The following VWC2L variants were observed in gnomAD, a reference collection of about 807,000 sequenced individuals.
VWC2L encodes the protein von Willebrand factor C domain-containing protein 2-like.
VWC2L carries 10 observed loss-of-function variants against 21.6 expected under a neutral mutation model. That is an observed-to-expected ratio of 0.46 (90% CI 0.29 to 0.78). The LOEUF is 0.78. Among genes scored for constraint, VWC2L ranks in the 30% least tolerant of loss-of-function variants. The pLI is 0.10. For synonymous variants in VWC2L, 96 were observed against 94.3 expected, an observed-to-expected ratio of 1.02 and a Z score of -0.10; for missense variants, 209 against 277.1, an observed-to-expected ratio of 0.75 and a Z score of 1.74.
At chr2:214,494,474 G>A (rs982312781) in intron 3 of VWC2L, among the ~76,000 whole-genome samples, 1 of 152,170 alleles carries the variant, frequency 6.6e-6, no homozygotes, top group Non-Finnish European at 1.5e-5. Context: ...TGTCTCTGAA[G>A]AGTTTCCCAG....
intron 2 of VWC2L, chr2:214,414,933 T>G (rs1702333134): frequency 4.1e-6 from 1 of 244,476 alleles, no homozygotes; most frequent in Non-Finnish European, 7.8e-6. Flanking sequence ...AAATTAATTT[T>G]TTAATTGTGT....
intron 3 of VWC2L, among the ~76,000 whole-genome samples, chr2:214,540,413 T>C (rs777008756): frequency 1.3e-5 from 2 of 152,250 alleles, no homozygotes; most frequent in Middle Eastern, 3.4e-3. Flanking sequence ...AACTAGACCC[T>C]GGAAATATGA....
At chr2:214,423,918 A>C (rs184100495) in intron 2 of VWC2L, among the ~76,000 whole-genome samples, 5 of 151,024 alleles carry the variant, frequency 3.3e-5, no homozygotes, top group African/African-American at 1.2e-4. Context: ...TTTTTTTTTC[A>C]CTTAGCAAAC....
intron 2 of VWC2L, 42 bp downstream of exon 2, chr2:214,414,625 A>G (rs779858047): frequency 1.9e-6 from 3 of 1,589,170 alleles, no homozygotes; most frequent in South Asian, 2.3e-5. Flanking sequence ...TCAACTTTTC[A>G]TACCACGTGC....
At chr2:214,424,912 A>G (rs1300733978) in intron 2 of VWC2L, among the ~76,000 whole-genome samples, 1 of 152,232 alleles carries the variant, frequency 6.6e-6, no homozygotes, top group African/African-American at 2.4e-5. Context: ...AATTTAGTTG[A>G]AAAATGACTT....
chr2:214,570,354 A>T (rs963713005), intron 3 of VWC2L, among the ~76,000 whole-genome samples: 7 of 152,318 alleles, frequency 4.6e-5, no homozygotes, highest in African/African-American at 4.8e-5. Flanking sequence ...CTCAAAGAAA[A>T]ACAGAATGTG....
chr2:214,474,650 T>C (rs1256565712), intron 3 of VWC2L, among the ~76,000 whole-genome samples: 1 of 152,142 alleles, frequency 6.6e-6, no homozygotes, highest in Non-Finnish European at 1.5e-5. Flanking sequence ...CCTGTGGCAA[T>C]AGAGAGACTA....
At chr2:214,507,658 CTTAA>C (rs1343088091) in intron 3 of VWC2L, among the ~76,000 whole-genome samples, 1 of 152,140 alleles carries the variant, frequency 6.6e-6, no homozygotes, top group Non-Finnish European at 1.5e-5. Flanking sequence ...ATTATTATCT[CTTAA>C]TTAGTCATGT....
chr2:214,484,187 A>G (rs1441267115), intron 3 of VWC2L, among the ~76,000 whole-genome samples: 2 of 152,018 alleles, frequency 1.3e-5, no homozygotes, highest in African/African-American at 4.8e-5. Context: ...ATCCAATATG[A>G]CCTCATCTAA....
chr2:214,497,872 C>A (rs904554273), intron 3 of VWC2L, among the ~76,000 whole-genome samples: 2 of 152,172 alleles, frequency 1.3e-5, no homozygotes, highest in Non-Finnish European at 2.9e-5. Context: ...AAGTTCATAA[C>A]TTCTGTTAAA....
chr2:214,577,137 T>C lies in VWC2L; in HGVS notation c.*1317T>C, dbSNP rs1690242480. ...TTCTGAAACCACATGGCATAGTTAG[T>C]CGCTTATTCCATGCTCCTGCCCTAA... On this transcript the variant is annotated 3_prime_UTR_variant, in exon 4 of 4. Coordinates refer to ENST00000312504, the MANE Select transcript of VWC2L (RefSeq NM_001080500.4). 1 of 152,142 alleles carries C rather than the reference T, an allele frequency of 6.6e-6. No homozygotes were observed. Among genetic ancestry groups the C allele is most frequent in the Non-Finnish European group, 1.5e-5 (1 of 68,032 alleles). 9.4% of individuals were successfully genotyped at this position (152,142 alleles called of 1,614,324 possible). A position where few individuals can be genotyped will look rare whatever the true frequency, so the allele number is the denominator to read the frequency against.
At chr2:214,525,124 T>C (rs1183166175) in intron 3 of VWC2L, 1 of 151,916 alleles carries the variant, frequency 6.6e-6, no homozygotes, top group Non-Finnish European at 1.5e-5. Flanking sequence ...TGAATTCTTT[T>C]TGCACTAACT....
chr2:214,443,490 A>T (rs528144309), intron 3 of VWC2L, among the ~76,000 whole-genome samples: 2 of 152,300 alleles, frequency 1.3e-5, no homozygotes, highest in South Asian at 4.1e-4. Context: ...ATGCAACCTA[A>T]CCAAATGGGA....
chr2:214,521,280 A>AAAT lies in VWC2L; in HGVS notation c.521-54392_521-54391insAAT, dbSNP rs1264716405. ...ATAAATAAATAAATAAATAAATAAA[A>AAAT]CTACCAAGTTTGAGCAAACATGCTA... On this transcript the variant is annotated intron_variant, in intron 3 of 3. Coordinates refer to ENST00000312504, the MANE Select transcript of VWC2L (RefSeq NM_001080500.4). Among the ~76,000 whole-genome samples, 719 of 147,078 alleles carry AAAT rather than the reference A, an allele frequency of 4.9e-3. 4 individuals carry two copies. Among genetic ancestry groups the AAAT allele is most frequent in the East Asian group, 0.015 (72 of 4,902 alleles).
intron 3 of VWC2L, among the ~76,000 whole-genome samples, chr2:214,562,542 G>A (rs921300976): frequency 1.3e-5 from 2 of 152,138 alleles, no homozygotes; most frequent in African/African-American, 4.8e-5. Flanking sequence ...GGTATTTCTG[G>A]TTCTAGATCT....
In VWC2L at chr2:214,416,501, G is replaced by A. The variant is rs189449462; in HGVS notation, c.390+1918G>A. Among the ~76,000 whole-genome samples the A allele has an allele frequency of 2.7e-3, 409 of 152,036 alleles. 2 individuals carry two copies. The highest frequency in any genetic ancestry group is 9.2e-3 in the African/African-American group (381 of 41,496). The stretch of plus-strand genomic sequence containing the variant: ...TATCACTTTTTTTAACAAGAATTTA[G>A]AGTCATAAAGAGTTTTAGAGACTAT... On this transcript the variant is annotated intron_variant, in intron 2 of 3. Coordinates refer to ENST00000312504, the MANE Select transcript of VWC2L (RefSeq NM_001080500.4).
intron 3 of VWC2L, among the ~76,000 whole-genome samples, chr2:214,516,802 T>TAG (rs148015958): frequency 0.033 from 5,085 of 152,262 alleles, 122 homozygotes; most frequent in Middle Eastern, 0.11. Flanking sequence ...GTCCCAGGTC[T>TAG]AGCAACTATG....
chr2:214,550,522 C>T (rs1559328042), intron 3 of VWC2L, among the ~76,000 whole-genome samples: 1 of 152,200 alleles, frequency 6.6e-6, no homozygotes, highest in Non-Finnish European at 1.5e-5. Context: ...TCTGCTTCCT[C>T]TTCCTTGAAC....
Position 214,501,459 on chromosome 2 carries a change from A to C in VWC2L, c.520+64701A>C, listed in dbSNP as rs184959320. On this transcript the variant is annotated intron_variant, in intron 3 of 3. Coordinates refer to ENST00000312504, the MANE Select transcript of VWC2L (RefSeq NM_001080500.4). ...AAGAATAGGCCAGACGTGGTGGCTC[A>C]TGCCTGTAATCCCAGCATTTTGGGA... 9.2e-5 allele frequency among the ~76,000 whole-genome samples: 14 copies of C among 152,254 alleles called. No homozygotes were observed. In the East Asian group the frequency reaches 2.5e-3, roughly 27 times the overall value.
Sources: allele counts gnomAD v4.1 joint callset (sites outside exome capture counted in the v4.1 genomes callset), GRCh38; gene constraint gnomAD v4.1.1; transcripts MANE v1.5; gene names NCBI Gene and HGNC (gene_info 2026-07-23, HGNC 2026-07-21).